The following DIAPH3 variants were observed in gnomAD, a reference collection of about 807,000 sequenced individuals.
DIAPH3 encodes diaphanous related formin 3, also known as protein diaphanous homolog 3.
Under a neutral mutation model 144.3 loss-of-function variants are expected in DIAPH3, and 117 were observed. The ratio of observed to expected loss-of-function variants is 0.81; its 90% CI spans 0.70 to 0.95. The LOEUF (loss-of-function observed/expected upper bound fraction) is 0.95. Among genes scored for constraint, DIAPH3 ranks in the 40% least tolerant of loss-of-function variants. DIAPH3 has a pLI of 0.00. For synonymous variants in DIAPH3, 519 were observed against 488.9 expected (o/e 1.06, Z -0.81); for missense variants, 1,421 against 1,412.7 (o/e 1.01, Z -0.09).
intron 2 of DIAPH3, among the ~76,000 whole-genome samples, chr13:60,113,984 A>G: frequency 6.6e-6 from 1 of 152,220 alleles, no homozygotes; most frequent in East Asian, 1.9e-4. Context: ...CGTGAGGCAT[A>G]TGCAAACAAC....
At position 59,752,564 on chromosome 13, in the gene DIAPH3, C is replaced by T. The variant is rs187862896; in HGVS notation, c.3319+21625G>A. Among the ~76,000 whole-genome samples the T allele has an allele frequency of 9.9e-4, 151 of 152,002 alleles. 1 individual carries two copies. Among genetic ancestry groups the T allele is most frequent in the African/African-American group, 3.5e-3 (145 of 41,486 alleles). The stretch of plus-strand genomic sequence containing the variant: ...TGTATTTTTGTTAGAGATGGGGTTT[C>T]GTCATGTTGTGCAGGGCTGGTCTCG... On this transcript the variant is annotated intron_variant, in intron 27 of 27. Coordinates refer to ENST00000400324, the MANE Select transcript of DIAPH3 (RefSeq NM_001042517.2).
At chr13:60,092,458 C>T (rs541900742) in intron 4 of DIAPH3, among the ~76,000 whole-genome samples, 5 of 152,266 alleles carry the variant, frequency 3.3e-5, no homozygotes, top group African/African-American at 1.2e-4. Context: ...CGAGACCATC[C>T]TGGCTAACAC....
At chr13:59,853,284 C>A (rs1405366627) in intron 22 of DIAPH3, among the ~76,000 whole-genome samples, 2 of 152,146 alleles carry the variant, frequency 1.3e-5, no homozygotes, top group Non-Finnish European at 2.9e-5. Flanking sequence ...TTGCTGTTAT[C>A]ATGGCCTATC....
At chr13:59,720,816 A>G (rs923291157) in intron 27 of DIAPH3, among the ~76,000 whole-genome samples, 19 of 152,312 alleles carry the variant, frequency 1.2e-4, no homozygotes, top group African/African-American at 3.8e-4. Context: ...AGCAAACATT[A>G]TAAGTCCATT....
chr13:59,666,966 A>G, intron 27 of DIAPH3, 120 bp from the exon 28 acceptor site: 2 of 1,165,910 alleles, frequency 1.7e-6, no homozygotes, highest in Non-Finnish European at 2.5e-6. Context: ...TAGATAGACT[A>G]AACAAAGAAA....
intron 4 of DIAPH3, among the ~76,000 whole-genome samples, chr13:60,052,792 C>T (rs1351062542): frequency 6.6e-6 from 1 of 151,452 alleles, no homozygotes; most frequent in Non-Finnish European, 1.5e-5. Context: ...GAAACCCCGT[C>T]TCTACTAAAA....
At chr13:60,011,028 C>G (rs1477359454) in intron 7 of DIAPH3, among the ~76,000 whole-genome samples, 1 of 151,786 alleles carries the variant, frequency 6.6e-6, no homozygotes, top group African/African-American at 2.4e-5. Context: ...TCACTTGGAC[C>G]CGAGAGGTGG....
At chr13:60,144,034 C>T (rs148632626) in intron 1 of DIAPH3, among the ~76,000 whole-genome samples, 263 of 152,214 alleles carry the variant, frequency 1.7e-3, no homozygotes, top group African/African-American at 5.9e-3. Context: ...CTTGGGTCAC[C>T]GATAATGGTT....
intron 27 of DIAPH3, among the ~76,000 whole-genome samples, chr13:59,687,488 T>C (rs1427981336): frequency 6.6e-6 from 1 of 152,104 alleles, no homozygotes; most frequent in Non-Finnish European, 1.5e-5. Context: ...TCTATTAATA[T>C]GCTTTGTGAT....
intron 4 of DIAPH3, among the ~76,000 whole-genome samples, chr13:60,043,029 A>C (rs948464855): frequency 1.3e-5 from 2 of 152,214 alleles, no homozygotes; most frequent in Non-Finnish European, 2.9e-5. Context: ...TAACATCAGA[A>C]GGTGTGCAAA....
At chr13:60,155,321 C>T (rs1951972358) in intron 1 of DIAPH3, among the ~76,000 whole-genome samples, 1 of 152,132 alleles carries the variant, frequency 6.6e-6, no homozygotes, top group Non-Finnish European at 1.5e-5. Context: ...TCTACCCCCA[C>T]CCCTTTTTAC....
intron 27 of DIAPH3, among the ~76,000 whole-genome samples, chr13:59,723,222 G>A (rs954582811): frequency 6.6e-6 from 1 of 152,160 alleles, no homozygotes; most frequent in African/African-American, 2.4e-5. Flanking sequence ...CAGATTGTTA[G>A]TGTACTTCTA....
chr13:59,749,474 T>C (rs1295418067), intron 27 of DIAPH3, among the ~76,000 whole-genome samples: 1 of 134,754 alleles, frequency 7.4e-6, no homozygotes, highest in Non-Finnish European at 1.5e-5. Flanking sequence ...GAGCCGAGAT[T>C]GTGCCACTGC....
chr13:60,145,689 T>C (rs568486325), intron 1 of DIAPH3, among the ~76,000 whole-genome samples: 13 of 151,804 alleles, frequency 8.6e-5, no homozygotes, highest in Admixed American at 1.3e-4. Flanking sequence ...TGGAGGGGGG[T>C]TGCAATTTCT....
At chr13:59,842,169 T>A (rs2042385959) in intron 22 of DIAPH3, among the ~76,000 whole-genome samples, 1 of 152,064 alleles carries the variant, frequency 6.6e-6, no homozygotes, top group Non-Finnish European at 1.5e-5. Context: ...GCATTCTGGA[T>A]GGACGGGTGA....
Position 59,974,469 on chromosome 13 carries a change from A to T in DIAPH3, c.1546-13T>A. On this transcript the variant is annotated splice_polypyrimidine_tract_variant and intron_variant, in intron 14 of 27. Coordinates refer to ENST00000400324, the MANE Select transcript of DIAPH3 (RefSeq NM_001042517.2). ...ACTCTTTTTCAAACTGAAACAAATT[A>T]AAAATAATAACAAAAACAGGAAGAT... 1 of 1,589,080 alleles carries T rather than the reference A, an allele frequency of 6.3e-7. No homozygotes were observed. The highest frequency in any genetic ancestry group is 8.6e-7 in the Non-Finnish European group (1 of 1,161,130).
At chr13:59,782,872 A>G (rs1357691067) in intron 25 of DIAPH3, among the ~76,000 whole-genome samples, 1 of 152,188 alleles carries the variant, frequency 6.6e-6, no homozygotes, top group East Asian at 1.9e-4. Flanking sequence ...GGAAAGCTGT[A>G]CAAGGCAGGG....
chr13:59,861,358 T>C (rs1450478085), intron 22 of DIAPH3, 49 bp downstream of exon 22: 1 of 1,613,066 alleles, frequency 6.2e-7, no homozygotes, highest in Non-Finnish European at 8.5e-7. Context: ...TTTCAGTCTT[T>C]TAGCACTGAA....
At chr13:59,891,419 C>T (rs1482750247) in intron 20 of DIAPH3, among the ~76,000 whole-genome samples, 1 of 149,444 alleles carries the variant, frequency 6.7e-6, no homozygotes, top group African/African-American at 2.5e-5. Flanking sequence ...ATCATGTTTC[C>T]ATACCAAAAA....
Sources: allele counts gnomAD v4.1 joint callset (sites outside exome capture counted in the v4.1 genomes callset), GRCh38; gene constraint gnomAD v4.1.1; transcripts MANE v1.5; gene names NCBI Gene and HGNC (gene_info 2026-07-23, HGNC 2026-07-21).